MMP28: variants seen among roughly 807,000 people sequenced by gnomAD.
MMP28 encodes the protein matrix metallopeptidase 28.
A neutral mutation model predicts 60.5 loss-of-function variants in MMP28; 55 were observed. The ratio of observed to expected loss-of-function variants is 0.91; its 90% CI spans 0.73 to 1.14. The LOEUF (loss-of-function observed/expected upper bound fraction) is 1.14, where lower values mean the gene tolerates loss of function less well. Among genes scored for constraint, MMP28 ranks in the 50% most tolerant of loss-of-function variants. The probability of loss-of-function intolerance (pLI) is 0.00; values close to 1 mark genes in which losing one functional copy is unlikely to be tolerated. For missense variants in MMP28, 686 were observed against 738.3 expected, an observed-to-expected ratio of 0.93 and a Z score of 0.82; for synonymous variants, 318 against 312.5, an observed-to-expected ratio of 1.02 and a Z score of -0.18.
At chr17:35,776,319 G>A (rs751411888) in intron 3 of MMP28, among the ~76,000 whole-genome samples, 16 of 151,620 alleles carry the variant, frequency 1.1e-4, no homozygotes, top group South Asian at 4.2e-4. Flanking sequence ...TTACAGGTGC[G>A]TGCCACCACA....
downstream of MMP28, chr17:35,761,099 A>AT (rs10533957): frequency 0.08 from 40,003 of 501,510 alleles, 142 homozygotes; most frequent in South Asian, 0.087. Flanking sequence ...GCCTTCCTGA[A>AT]TTTTTTTTTT....
intron 6 of MMP28, 133 bp from the exon 7 acceptor site, chr17:35,768,052 G>A: frequency 7.7e-7 from 1 of 1,299,868 alleles, no homozygotes; most frequent in Non-Finnish European, 1.0e-6. Flanking sequence ...GGCGCAGAGG[G>A]GAAAGTGGGC....
At chr17:35,764,164 G>A, downstream of MMP28, 1 of 1,548,834 alleles carries the variant, frequency 6.5e-7, no homozygotes, top group South Asian at 1.2e-5. Flanking sequence ...CGCGGGTAGC[G>A]GAGGAGGGCG....
At chr17:35,757,783 AT>A (rs1318610377) in intron 2 of MMP28, among the ~76,000 whole-genome samples, 3 of 152,020 alleles carry the variant, frequency 2.0e-5, no homozygotes, top group East Asian at 3.9e-4. Context: ...TCTTAATAAA[AT>A]TTTTTTTAGA....
intron 1 of MMP28, among the ~76,000 whole-genome samples, chr17:35,780,247 T>C (rs1161680192): frequency 6.6e-6 from 1 of 151,880 alleles, no homozygotes; most frequent in African/African-American, 2.4e-5. Flanking sequence ...TTCTTGTATT[T>C]AGTAGAGATG....
intron 1 of MMP28, among the ~76,000 whole-genome samples, chr17:35,785,157 G>A (rs897972166): frequency 6.6e-6 from 1 of 152,114 alleles, no homozygotes; most frequent in Admixed American, 6.5e-5. Context: ...AGGGATTCTA[G>A]GCCTGCATCA....
downstream of MMP28, among the ~76,000 whole-genome samples, chr17:35,762,059 C>T (rs2085831459): frequency 6.6e-6 from 1 of 152,078 alleles, no homozygotes; most frequent in Non-Finnish European, 1.5e-5. Context: ...GGCGTGATCT[C>T]GGTAAACCAC....
chr17:35,768,230 C>G lies in MMP28; in HGVS notation c.1000G>C (p.Asp334His). The stretch of plus-strand genomic sequence containing the variant: ...CAAAGCACCAGTGGGACCTTCTTAC[C>G]TACAGTGATGGCATCGAAGGAAGAG... ...CHSSFDAITV[D>H]RQQQLYIFKG... is the part of the protein sequence containing the mutation. The change falls in exon 6 of 8, where the codon GAC (aspartate) becomes CAC (histidine). Residue 334 changes from aspartate to histidine, a missense_variant and splice_region_variant. Asp to His is a moderately conservative substitution (Grantham distance 81). Transcript: ENST00000605424. 1 of 1,604,634 alleles carries G rather than the reference C, an allele frequency of 6.2e-7. No homozygotes were observed. The highest frequency in any genetic ancestry group is 8.5e-7 in the Non-Finnish European group (1 of 1,175,456).
In MMP28 at chr17:35,795,382, C is replaced by G. The variant is rs1244263068; in HGVS notation, c.-5G>C. The G allele has an allele frequency of 4.9e-6, 7 of 1,432,496 alleles. No individual in the cohort carries two copies. In the South Asian group the frequency reaches 8.7e-5, roughly 18 times the overall value. The allele number at this position is 1,432,496 out of a possible 1,614,324, so 88.7% of individuals were successfully genotyped here. A position where few individuals can be genotyped will look rare whatever the true frequency, so the allele number is the denominator to read the frequency against. On this transcript the variant is annotated 5_prime_UTR_variant, in exon 1 of 8. Transcript: ENST00000605424. The stretch of plus-strand genomic sequence containing the variant: ...GAGGCCGACGCGCGCGACCATCTCG[C>G]CGCCTCCGGTGCAGCCCGGCTCGGG...
At chr17:35,776,182 T>C (rs1368629961) in intron 3 of MMP28, among the ~76,000 whole-genome samples, 1 of 143,844 alleles carries the variant, frequency 7.0e-6, no homozygotes, top group Non-Finnish European at 1.5e-5. Flanking sequence ...GCTTTTTCTT[T>C]TTTTTTTGAG....
downstream of MMP28, chr17:35,763,893 T>C (rs2085874886): frequency 5.3e-6 from 4 of 754,292 alleles, no homozygotes; most frequent in South Asian, 6.4e-5. Flanking sequence ...AGAGACCCTG[T>C]CTCAAAATAA....
In MMP28 at chr17:35,766,404, G is replaced by C; in HGVS notation, c.*96C>G. 7.0e-7 allele frequency: 1 copy of C among 1,432,986 alleles called. No homozygotes were observed. Among genetic ancestry groups the C allele is most frequent in the Non-Finnish European group, 9.1e-7 (1 of 1,095,486 alleles). The allele number at this position is 1,432,986 out of a possible 1,614,324, so 88.8% of individuals were successfully genotyped here. ...GCTTTGCTGCCCGGTCTTCTGCAGA[G>C]GGACTCAGAGGCTTCTAAGAGGGGT... On this transcript the variant is annotated 3_prime_UTR_variant, in exon 8 of 8. Transcript: ENST00000605424. The surrounding 1 kb of genome is among the most constrained non-coding windows in gnomAD (Gnocchi z 4.3).
chr17:35,773,687 C>T (rs1555606790), intron 3 of MMP28, among the ~76,000 whole-genome samples: 1 of 152,208 alleles, frequency 6.6e-6, no homozygotes, highest in Non-Finnish European at 1.5e-5. Context: ...CAGCCTCTGC[C>T]CAGGAGAAGC....
intron 5 of MMP28, among the ~76,000 whole-genome samples, chr17:35,769,156 C>T (rs1330569529): frequency 6.6e-6 from 1 of 152,208 alleles, no homozygotes; most frequent in Non-Finnish European, 1.5e-5. Flanking sequence ...AGCTGCATGA[C>T]CCTGAGCAAG....
At chr17:35,758,295 C>T (rs902567632) in intron 2 of MMP28, 21 of 152,140 alleles carry the variant, frequency 1.4e-4, no homozygotes, top group African/African-American at 4.6e-4. Context: ...CCCAAGCAGA[C>T]GTCTGAGTGC....
At chr17:35,780,622 G>A (rs1319289044) in intron 1 of MMP28, among the ~76,000 whole-genome samples, 1 of 152,000 alleles carries the variant, frequency 6.6e-6, no homozygotes, top group Non-Finnish European at 1.5e-5. Context: ...ATCACCTGAG[G>A]TCAGGAGTTC....
At chr17:35,758,268 C>G (rs1555600795) in intron 2 of MMP28, 3 of 152,174 alleles carry the variant, frequency 2.0e-5, no homozygotes, top group African/African-American at 7.2e-5. Flanking sequence ...GATGGTTTCA[C>G]CCCTCTCAAG....
In MMP28 at chr17:35,781,900, G is replaced by A. The variant is rs1381130118; in HGVS notation, c.112-2577C>T. Among the ~76,000 whole-genome samples the A allele has an allele frequency of 4.0e-5, 6 of 151,464 alleles. No homozygotes were observed. The East Asian group carries it at 1.2e-3, about 29-fold the overall frequency. ...TTAGAGATGGGGGTCTCACTATGTT[G>A]CCCTGGCTGGAGTGCAGTGGCTATT... On this transcript the variant is annotated intron_variant, in intron 1 of 7. Transcript: ENST00000605424.
At chr17:35,790,767 C>T (rs2086791115) in intron 1 of MMP28, among the ~76,000 whole-genome samples, 1 of 152,118 alleles carries the variant, frequency 6.6e-6, no homozygotes, top group Non-Finnish European at 1.5e-5. Context: ...GCAGGCAGAT[C>T]ATTTGAGGTC....
Sources: gnomAD v4.1 joint callset for allele counts (sites outside exome capture counted in the v4.1 genomes callset) on GRCh38, gnomAD v4.1.1 for gene constraint, Gnocchi (gnomAD v3.1) non-coding constraint, MANE v1.5 for transcripts, NCBI Gene and HGNC (gene_info 2026-07-23, HGNC 2026-07-21) for gene names.